CSMD1: variants seen among roughly 807,000 people sequenced by gnomAD.
CSMD1 encodes the protein CUB and sushi domain-containing protein 1.
A neutral mutation model predicts 417.5 loss-of-function variants in CSMD1; 213 were observed. The ratio of observed to expected loss-of-function variants is 0.51; its 90% CI spans 0.46 to 0.57. The LOEUF (loss-of-function observed/expected upper bound fraction) is 0.57. Among genes scored for constraint, CSMD1 ranks in the 20% least tolerant of loss-of-function variants. The probability of loss-of-function intolerance (pLI) is 0.00; values close to 1 mark genes in which losing one functional copy is unlikely to be tolerated. For missense variants in CSMD1, 6,923 were observed against 4,529.7 expected (o/e 1.53, Z -15.17); for synonymous variants, 2,862 against 1,736.8 (o/e 1.65, Z -16.11).
At chr8:4,958,192 C>A (rs1045738245) in intron 1 of CSMD1, among the ~76,000 whole-genome samples, 1 of 152,090 alleles carries the variant, frequency 6.6e-6, no homozygotes, top group East Asian at 1.9e-4. Flanking sequence ...TTAACATACT[C>A]TGTTTCCACA....
chr8:4,819,950 T>C (rs10113531), intron 1 of CSMD1, among the ~76,000 whole-genome samples: 9,892 of 152,258 alleles, frequency 0.065, 557 homozygotes, highest in East Asian at 0.24. Context: ...AATATCTACT[T>C]ATCAATCAAC....
At chr8:3,796,369 C>A (rs149509932) in intron 5 of CSMD1, among the ~76,000 whole-genome samples, 455 of 30,690 alleles carry the variant, frequency 0.015, 42 homozygotes, top group East Asian at 0.063. Flanking sequence ...ATATAGATAT[C>A]TATCATGTAT....
At chr8:4,670,360 G>T (rs938181247) in intron 1 of CSMD1, among the ~76,000 whole-genome samples, 3 of 152,078 alleles carry the variant, frequency 2.0e-5, no homozygotes, top group Admixed American at 6.5e-5. Context: ...CAAGATTGTG[G>T]CTAATAATGA....
At chr8:4,651,953 C>G (rs1563070737) in intron 1 of CSMD1, among the ~76,000 whole-genome samples, 1 of 152,162 alleles carries the variant, frequency 6.6e-6, no homozygotes, top group African/African-American at 2.4e-5. Flanking sequence ...AACTTTAACT[C>G]AATCCTCTGG....
intron 3 of CSMD1, among the ~76,000 whole-genome samples, chr8:4,272,452 A>C (rs189792805): frequency 2.6e-4 from 39 of 152,332 alleles, no homozygotes; most frequent in Non-Finnish European, 5.0e-4. Flanking sequence ...ATCTAAAACC[A>C]GGATTCTATG....
chr8:4,246,261 A>G (rs1389298421), intron 3 of CSMD1, among the ~76,000 whole-genome samples: 2 of 152,112 alleles, frequency 1.3e-5, no homozygotes, highest in East Asian at 3.9e-4. Context: ...CTTATACATG[A>G]TAACTTGTGC....
At chr8:4,142,930 G>C (rs1803877712) in intron 3 of CSMD1, among the ~76,000 whole-genome samples, 1 of 150,588 alleles carries the variant, frequency 6.6e-6, no homozygotes, top group Admixed American at 6.6e-5. Flanking sequence ...ATATGTTGAA[G>C]TATTTGCATC....
intron 26 of CSMD1, among the ~76,000 whole-genome samples, chr8:3,242,045 A>G (rs34556988): frequency 0.42 from 19,787 of 46,910 alleles, 6,087 homozygotes; most frequent in Non-Finnish European, 0.55. Context: ...ACTGGGCTGG[A>G]TTTTTATATT....
chr8:3,074,959 G>T (rs184629584), intron 49 of CSMD1, among the ~76,000 whole-genome samples: 3 of 152,146 alleles, frequency 2.0e-5, no homozygotes, highest in African/African-American at 4.8e-5. Context: ...GTGATTGGAT[G>T]ATGGGGCCGG....
chr8:3,083,964 T>A (rs977218593), intron 49 of CSMD1, among the ~76,000 whole-genome samples: 12 of 152,040 alleles, frequency 7.9e-5, no homozygotes, highest in African/African-American at 2.9e-4. Flanking sequence ...GCACCCAGCC[T>A]ACATTCTATT....
chr8:3,674,203 T>C (rs1271902419), intron 7 of CSMD1, among the ~76,000 whole-genome samples: 2 of 152,312 alleles, frequency 1.3e-5, no homozygotes, highest in South Asian at 2.1e-4. Flanking sequence ...CTGAGTTGTC[T>C]CTAGAATTAT....
At chr8:3,194,980 G>T (rs1413974998) in intron 33 of CSMD1, among the ~76,000 whole-genome samples, 1 of 152,136 alleles carries the variant, frequency 6.6e-6, no homozygotes. Flanking sequence ...GGGCACTGCG[G>T]AAGGGGTTCA....
intron 3 of CSMD1, among the ~76,000 whole-genome samples, chr8:4,205,136 CTGTT>C (rs1360526879): frequency 6.6e-6 from 1 of 152,146 alleles, no homozygotes; most frequent in East Asian, 1.9e-4. Flanking sequence ...TATCTCAACT[CTGTT>C]GAATGAAATT....
chr8:4,535,255 A>G (rs1190878539), intron 2 of CSMD1, among the ~76,000 whole-genome samples: 1 of 152,224 alleles, frequency 6.6e-6, no homozygotes, highest in Non-Finnish European at 1.5e-5. Flanking sequence ...AATAATTTAA[A>G]TGAATTTAAT....
chr8:2,986,786 G>A (rs1002739985), intron 54 of CSMD1, among the ~76,000 whole-genome samples: 5 of 152,146 alleles, frequency 3.3e-5, no homozygotes, highest in Non-Finnish European at 7.3e-5. Flanking sequence ...TTACAGGCGT[G>A]AGCCACCGCG....
chr8:4,120,858 G>A (rs1280855080), intron 3 of CSMD1, among the ~76,000 whole-genome samples: 1 of 152,086 alleles, frequency 6.6e-6, no homozygotes, highest in African/African-American at 2.4e-5. Context: ...TAAAATTACA[G>A]AAACAAATTT....
chr8:4,314,886 G>A (rs569983472), intron 3 of CSMD1, among the ~76,000 whole-genome samples: 73 of 152,286 alleles, frequency 4.8e-4, no homozygotes, highest in African/African-American at 1.8e-3. Context: ...CTGTTGGAGT[G>A]AAGAACATAA....
chr8:4,104,265 C>T (rs1038255081), intron 3 of CSMD1, among the ~76,000 whole-genome samples: 3 of 152,200 alleles, frequency 2.0e-5, no homozygotes, highest in Admixed American at 6.5e-5. Context: ...ATTTATCTCA[C>T]TCCATCTTTT....
chr8:3,768,011 A>G (rs1798378109), intron 5 of CSMD1, among the ~76,000 whole-genome samples: 1 of 152,192 alleles, frequency 6.6e-6, no homozygotes, highest in South Asian at 2.1e-4. Context: ...TCCAAACTCC[A>G]TGAATGCACC....
Sources: allele counts gnomAD v4.1 joint callset (sites outside exome capture counted in the v4.1 genomes callset), GRCh38; gene constraint gnomAD v4.1.1; transcripts MANE v1.5; gene names NCBI Gene and HGNC (gene_info 2026-07-23, HGNC 2026-07-21).